LTBR: variants seen among roughly 807,000 people sequenced by gnomAD.
LTBR encodes lymphotoxin beta receptor.
In LTBR, 15 loss-of-function variants were observed where a neutral mutation model predicts 45.4. The observed-to-expected ratio is 0.33, with a 90% CI of 0.22 to 0.51. The LOEUF (loss-of-function observed/expected upper bound fraction) is 0.51, where lower values mean the gene tolerates loss of function less well. LTBR is among the 20% of genes least tolerant of loss of function. The pLI, the probability that LTBR is intolerant of heterozygous loss-of-function variation, is 0.97. For synonymous variants in LTBR, 228 were observed against 231.0 expected (o/e 0.99, Z 0.12); for missense variants, 450 against 565.5 (o/e 0.80, Z 2.07).
At position 6,390,920 on chromosome 12, in the gene LTBR, T is replaced by G. The variant is rs750205301; in HGVS notation, c.1291T>G (p.Phe431Val). The G allele has an allele frequency of 6.3e-7, 1 of 1,578,808 alleles. No homozygotes were observed. Among genetic ancestry groups the G allele is most frequent in the South Asian group, 1.2e-5 (1 of 84,508 alleles). The stretch of plus-strand genomic sequence containing the variant: ...CTCTAACAGGGGCCCAAGGAACCAA[T>G]TTATCACCCATGACTGACTGAGTCT... ...TPSNRGPRNQ[F>V]ITHD Residue 431 changes from phenylalanine to valine, a missense_variant, in exon 10 of 10, where the codon TTT (phenylalanine) becomes GTT (valine). Coordinates refer to ENST00000228918, the MANE Select transcript of LTBR (RefSeq NM_002342.3).
rs199917609 is a variant in LTBR at position 6,386,144 on chromosome 12, G to A, written c.551G>A (p.Arg184His). ...HFQNTSSPSA[R>H]CQPHTRCENQ... ...CAGAATACCTCCTCCCCCAGCGCCC[G>A]CTGCCAGCCCCACACCAGGTGAGTG... The change falls in exon 5 of 10, where the codon CGC becomes CAC. Residue 184 changes from arginine (R) to histidine (H), a missense_variant. Arg to His is a conservative substitution (Grantham distance 29). Transcript: ENST00000228918. The surrounding 1 kb of genome is among the most constrained non-coding windows in gnomAD (Gnocchi z 4.1). 34 of 1,613,210 alleles carry A rather than the reference G, an allele frequency of 2.1e-5. No homozygotes were observed. In the Admixed American group the frequency reaches 3.7e-4, roughly 17 times the overall value.
chr12:6,376,353 A>G (rs570074762), intron 1 of LTBR: 6 of 200,618 alleles, frequency 3.0e-5, no homozygotes, highest in African/African-American at 1.4e-4. Context: ...GTTGGCTGCC[A>G]GGCCAGGAAT....
At chr12:6,379,941 A>C (rs1216184441), upstream of LTBR, among the ~76,000 whole-genome samples, 2 of 149,308 alleles carry the variant, frequency 1.3e-5, no homozygotes, top group African/African-American at 5.0e-5. Flanking sequence ...CTCAAAAAAA[A>C]AAAAAACAAA....
Position 6,388,562 on chromosome 12 carries a change from T to C in LTBR, c.775+57T>C. The stretch of plus-strand genomic sequence containing the variant: ...GCAATGGGAGCCGGAGGGAGGAATA[T>C]TCAACTTCCCCGGTGCAACCCTCCA... On this transcript the variant is annotated intron_variant, in intron 7 of 9. Coordinates refer to ENST00000228918, the MANE Select transcript of LTBR (RefSeq NM_002342.3). The surrounding 1 kb of genome is among the most constrained non-coding windows in gnomAD (Gnocchi z 4.3). The C allele has an allele frequency of 6.8e-7, 1 of 1,472,782 alleles. No individual in the cohort carries two copies. Among genetic ancestry groups the C allele is most frequent in the Non-Finnish European group, 9.5e-7 (1 of 1,053,272 alleles). 91.2% of individuals were successfully genotyped at this position (1,472,782 alleles called of 1,614,324 possible). A position where few individuals can be genotyped will look rare whatever the true frequency, so the allele number is the denominator to read the frequency against.
At chr12:6,380,552 C>T (rs1236443101), upstream of LTBR, among the ~76,000 whole-genome samples, 4 of 152,018 alleles carry the variant, frequency 2.6e-5, no homozygotes, top group African/African-American at 7.2e-5. Context: ...GGCCTGTTGG[C>T]GCATGCCTGT....
chr12:6,385,040 A>C lies in LTBR; in HGVS notation c.212A>C (p.Lys71Thr), dbSNP rs1172546907. 1 of 1,614,072 alleles carries C rather than the reference A, an allele frequency of 6.2e-7. No homozygotes were observed. The highest frequency in any genetic ancestry group is 8.5e-7 in the Non-Finnish European group (1 of 1,180,034). The change falls in exon 3 of 10, where the codon AAA becomes ACA. Residue 71 changes from lysine (K) to threonine (T), a missense_variant. This residue lies in a region of LTBR where 367 missense variants were observed against 435.4 expected (regional missense o/e 0.84). Transcript: ENST00000228918. ...GTTCTAGGCACCTATGTCTCAGCTA[A>C]ATGTAGCCGCATCCGGGACACAGTT... ...RCPPGTYVSAKCSRIRDTVCA... is the reference protein window; with the variant it reads ...RCPPGTYVSATCSRIRDTVCA...
intron 1 of LTBR, among the ~76,000 whole-genome samples, chr12:6,378,770 G>A (rs950335619): frequency 2.0e-5 from 3 of 152,142 alleles, no homozygotes; most frequent in African/African-American, 7.2e-5. Flanking sequence ...TCTATAAGAA[G>A]TCAAGAGCTT....
Position 6,386,012 on chromosome 12 carries a change from A to G in LTBR, c.473-54A>G. The G allele has an allele frequency of 7.8e-7, 1 of 1,280,782 alleles. No homozygotes were observed. Among genetic ancestry groups the G allele is most frequent in the Non-Finnish European group, 1.1e-6 (1 of 878,404 alleles). The allele number at this position is 1,280,782 out of a possible 1,614,324, so 79.3% of individuals were successfully genotyped here. A position where few individuals can be genotyped will look rare whatever the true frequency, so the allele number is the denominator to read the frequency against. Reference sequence around the variant, plus strand: ...TTAAAGGAAACTCACAGGCCGGCAAAGGGCCCCTCCCTTTTGCCCATTCAC... The same window carrying G: ...TTAAAGGAAACTCACAGGCCGGCAAGGGGCCCCTCCCTTTTGCCCATTCAC... On this transcript the variant is annotated intron_variant, in intron 4 of 9. Transcript: ENST00000228918. This position sits in a 1 kb window ranked among gnomAD's most constrained non-coding sequence, Gnocchi z 4.1.
chr12:6,390,788 C>T lies in LTBR; in HGVS notation c.1159C>T (p.Pro387Ser), dbSNP rs1347978748. 8 of 1,609,462 alleles carry T rather than the reference C, an allele frequency of 5.0e-6. No individual in the cohort carries two copies. The Admixed American group carries it at 1.3e-4, about 27-fold the overall frequency. The change falls in exon 10 of 10, where the codon CCC becomes TCC. Residue 387 changes from proline (P) to serine (S), a missense_variant. Pro to Ser is a moderately conservative substitution (Grantham distance 74). This residue lies in a region of LTBR where 71 missense variants were observed against 90.4 expected (regional missense o/e 0.79). Coordinates refer to ENST00000228918, the MANE Select transcript of LTBR (RefSeq NM_002342.3). ...DLPATPEPPY[P>S]IPEEGDPGPP... is the part of the protein sequence containing the mutation. ...CCCAGCTACCCCCGAACCTCCATACCCCATTCCCGAAGAGGGGGACCCTGG... is the reference window on the plus strand; with the variant it reads ...CCCAGCTACCCCCGAACCTCCATACTCCATTCCCGAAGAGGGGGACCCTGG...
chr12:6,382,818 G>A (rs1178305528), upstream of LTBR, among the ~76,000 whole-genome samples: 4 of 152,348 alleles, frequency 2.6e-5, no homozygotes, highest in South Asian at 6.2e-4. Flanking sequence ...GGGGGATAGT[G>A]CCCAAGTGAC....
Position 6,384,222 on chromosome 12 carries a change from C to T in LTBR, c.-137C>T. 2.2e-6 allele frequency: 3 copies of T among 1,352,382 alleles called. No individual in the cohort carries two copies. The highest frequency in any genetic ancestry group is 3.8e-5 in the South Asian group (2 of 52,162). The allele number at this position is 1,352,382 out of a possible 1,614,324, so 83.8% of individuals were successfully genotyped here. ...GAGGCCCGGCCTGGCCGCTCCCGGC[C>T]CTGGGGTGCACATCGGCCCTGAGTC... On this transcript the variant is annotated 5_prime_UTR_variant, in exon 1 of 10. Transcript: ENST00000228918.
intron 4 of LTBR, 137 bp downstream of exon 4, chr12:6,385,516 A>C: frequency 9.7e-7 from 1 of 1,031,802 alleles, no homozygotes; most frequent in Non-Finnish European, 1.4e-6. Flanking sequence ...CATTCCATGC[A>C]GAGGCTCACA....
intron 1 of LTBR, among the ~76,000 whole-genome samples, chr12:6,378,238 G>A (rs1274983653): frequency 6.7e-6 from 1 of 149,074 alleles, no homozygotes; most frequent in Admixed American, 6.7e-5. Context: ...TCTTTTTTAT[G>A]ACAGAGACCA....
intron 1 of LTBR, chr12:6,376,012 G>A (rs1948902376): frequency 1.0e-6 from 1 of 1,002,708 alleles, no homozygotes; most frequent in Non-Finnish European, 1.2e-6. Context: ...GCACCAAAGG[G>A]AGTCTGTCTC....
chr12:6,390,195 A>G lies in LTBR; in HGVS notation c.885A>G (p.Leu295=), dbSNP rs1949096000. Residue 295 remains leucine (L), a synonymous_variant, in exon 9 of 10, where the codon CTA becomes CTG. Coordinates refer to ENST00000228918, the MANE Select transcript of LTBR (RefSeq NM_002342.3). ...PYFPDLVQPL[L]PISGDVSPVS... ...TCCCTGACTTGGTACAGCCACTGCT[A>G]CCCATTTCTGGAGATGTTTCCCCAG... 1.9e-6 allele frequency: 3 copies of G among 1,613,968 alleles called. No homozygotes were observed. In the Admixed American group the frequency reaches 5.0e-5, roughly 27 times the overall value.
chr12:6,386,006 C>A lies in LTBR; in HGVS notation c.473-60C>A. 4.2e-6 allele frequency: 5 copies of A among 1,192,522 alleles called. No individual in the cohort carries two copies. The highest frequency in any genetic ancestry group is 6.3e-6 in the Non-Finnish European group (5 of 798,808). 73.9% of individuals were successfully genotyped at this position (1,192,522 alleles called of 1,614,324 possible). A position where few individuals can be genotyped will look rare whatever the true frequency, so the allele number is the denominator to read the frequency against. ...TGAGGCTTAAAGGAAACTCACAGGC[C>A]GGCAAAGGGCCCCTCCCTTTTGCCC... is the stretch of plus-strand genomic sequence containing the variant. On this transcript the variant is annotated intron_variant, in intron 4 of 9. Transcript: ENST00000228918. This position sits in a 1 kb window ranked among gnomAD's most constrained non-coding sequence, Gnocchi z 4.1.
intron 1 of LTBR, among the ~76,000 whole-genome samples, chr12:6,379,061 A>G (rs750546038): frequency 2.6e-4 from 40 of 152,160 alleles, no homozygotes; most frequent in Non-Finnish European, 4.9e-4. Flanking sequence ...TCCTAGGGAG[A>G]GCCTATCTCT....
At position 6,388,838 on chromosome 12, in the gene LTBR, G is replaced by A. The variant is rs753160366; in HGVS notation, c.801+13G>A. The A allele has an allele frequency of 1.2e-6, 2 of 1,613,942 alleles. No individual in the cohort carries two copies. The highest frequency in any genetic ancestry group is 1.3e-5 in the African/African-American group (1 of 74,944). ...GAGGCGTCCGCAGGTAATGGCGGGG[G>A]CTGAGAAGGCAGCAAGAAGGGGAAG... is the stretch of plus-strand genomic sequence containing the variant. On this transcript the variant is annotated intron_variant, in intron 8 of 9. Transcript: ENST00000228918. The surrounding 1 kb of genome is among the most constrained non-coding windows in gnomAD (Gnocchi z 4.3).
rs1012520611 is a variant in LTBR at position 6,386,130 on chromosome 12, C to T, written c.537C>T (p.Ser179=). The T allele has an allele frequency of 1.3e-5, 21 of 1,613,948 alleles. No individual in the cohort carries two copies. The highest frequency in any genetic ancestry group is 1.7e-5 in the Non-Finnish European group (20 of 1,179,904). The part of the protein sequence containing the change: ...PCKAGHFQNT[S]SPSARCQPHT... ...AGGCCGGGCACTTCCAGAATACCTC[C>T]TCCCCCAGCGCCCGCTGCCAGCCCC... The change falls in exon 5 of 10, where the codon TCC becomes TCT. Residue 179 remains serine (S), a synonymous_variant. Transcript: ENST00000228918. The surrounding 1 kb of genome is among the most constrained non-coding windows in gnomAD (Gnocchi z 4.1).
Sources: allele counts gnomAD v4.1 joint callset (sites outside exome capture counted in the v4.1 genomes callset), GRCh38; gene constraint gnomAD v4.1.1; regional missense constraint gnomAD v4.1.1; non-coding constraint Gnocchi (gnomAD v3.1); transcripts MANE v1.5; gene names NCBI Gene and HGNC (gene_info 2026-07-23, HGNC 2026-07-21).